The following EYA2 variants were observed in gnomAD, a reference collection of about 807,000 sequenced individuals.
EYA2 encodes EYA transcriptional coactivator and phosphatase 2.
In EYA2, 31 loss-of-function variants were observed where a neutral mutation model predicts 69.2. That is an observed-to-expected ratio of 0.45 (90% confidence interval 0.34 to 0.60). The LOEUF (loss-of-function observed/expected upper bound fraction) is 0.60, where lower values mean the gene tolerates loss of function less well. Ranked by LOEUF, EYA2 falls within the 20% of genes least tolerant of loss-of-function variation. The pLI, the probability that EYA2 is intolerant of heterozygous loss-of-function variation, is 0.02. For synonymous variants in EYA2, 257 were observed against 279.4 expected (o/e 0.92, Z 0.80); for missense variants, 622 against 701.2 (o/e 0.89, Z 1.28).
At chr20:47,076,470 T>A (rs1475368535) in intron 7 of EYA2, among the ~76,000 whole-genome samples, 4 of 152,254 alleles carry the variant, frequency 2.6e-5, no homozygotes, top group Non-Finnish European at 5.9e-5. Context: ...GATATTATTT[T>A]TTCATATGCT....
intron 3 of EYA2, among the ~76,000 whole-genome samples, chr20:47,003,494 A>T (rs1295541345): frequency 1.3e-5 from 2 of 152,254 alleles, no homozygotes; most frequent in Non-Finnish European, 2.9e-5. Context: ...GTGCAGACCC[A>T]GGTACGCTGA....
chr20:46,928,931 A>C (rs531882206), intron 1 of EYA2, among the ~76,000 whole-genome samples: 1 of 152,278 alleles, frequency 6.6e-6, no homozygotes, highest in East Asian at 1.9e-4. Context: ...CCCTCCAACA[A>C]GAGCACATTG....
At chr20:47,154,380 C>T (rs2033880228) in intron 10 of EYA2, among the ~76,000 whole-genome samples, 1 of 152,016 alleles carries the variant, frequency 6.6e-6, no homozygotes, top group Non-Finnish European at 1.5e-5. Flanking sequence ...GTTAGATTTT[C>T]AACATATGAA....
chr20:46,974,670 A>C (rs573795027), intron 1 of EYA2, among the ~76,000 whole-genome samples: 1 of 151,974 alleles, frequency 6.6e-6, no homozygotes, highest in Non-Finnish European at 1.5e-5. Flanking sequence ...CTTCCCTTAC[A>C]GGAAGAGTCC....
chr20:47,039,880 A>G (rs530245955), intron 5 of EYA2, among the ~76,000 whole-genome samples: 26 of 115,238 alleles, frequency 2.3e-4, no homozygotes, highest in Non-Finnish European at 3.4e-4. Flanking sequence ...TTGCTCCGTC[A>G]CCCAGGCTGG....
chr20:47,069,945 T>G (rs1425709042), intron 5 of EYA2, among the ~76,000 whole-genome samples: 1 of 152,130 alleles, frequency 6.6e-6, no homozygotes, highest in Non-Finnish European at 1.5e-5. Context: ...ATCATAGACC[T>G]AAATACAAGA....
chr20:47,019,814 A>G (rs1053882683), intron 5 of EYA2, among the ~76,000 whole-genome samples: 2 of 151,680 alleles, frequency 1.3e-5, no homozygotes, highest in Non-Finnish European at 2.9e-5. Flanking sequence ...ACAAAAAAAA[A>G]AAAAATTATC....
chr20:46,960,766 A>C (rs1979426286), intron 1 of EYA2, among the ~76,000 whole-genome samples: 1 of 152,218 alleles, frequency 6.6e-6, no homozygotes, highest in Non-Finnish European at 1.5e-5. Flanking sequence ...ACAAAGCCTG[A>C]AATCTTCACC....
intron 5 of EYA2, among the ~76,000 whole-genome samples, chr20:47,040,958 G>C (rs1331743921): frequency 6.6e-6 from 1 of 152,164 alleles, no homozygotes; most frequent in Admixed American, 6.5e-5. Flanking sequence ...CACAGAACAC[G>C]TGAGGCTCCA....
intron 5 of EYA2, among the ~76,000 whole-genome samples, chr20:47,030,646 G>A (rs1984357291): frequency 6.6e-6 from 1 of 152,182 alleles, no homozygotes; most frequent in African/African-American, 2.4e-5. Context: ...GGAGCTAGAA[G>A]TCCCAGATGG....
At chr20:47,085,127 A>G (rs2031854489) in intron 7 of EYA2, among the ~76,000 whole-genome samples, 1 of 151,832 alleles carries the variant, frequency 6.6e-6, no homozygotes, top group Admixed American at 6.6e-5. Context: ...ATGAGCCACC[A>G]TGCCCAGCCT....
chr20:47,159,150 A>G (rs2146629185), intron 10 of EYA2, among the ~76,000 whole-genome samples: 1 of 152,158 alleles, frequency 6.6e-6, no homozygotes, highest in East Asian at 2.0e-4. Context: ...AAAGAGTACA[A>G]TATAGATGAG....
intron 4 of EYA2, among the ~76,000 whole-genome samples, chr20:47,011,164 A>G (rs1284430659): frequency 1.3e-5 from 2 of 152,160 alleles, no homozygotes; most frequent in East Asian, 3.8e-4. Flanking sequence ...CAAGTGGTGC[A>G]CAACATTGAA....
chr20:46,905,600 G>A lies in EYA2; in HGVS notation c.-11+10613G>A, dbSNP rs371283020. Among the ~76,000 whole-genome samples the A allele has an allele frequency of 5.3e-5, 8 of 152,260 alleles. No individual in the cohort carries two copies. In the East Asian group the frequency reaches 1.2e-3, roughly 22 times the overall value. Reference sequence around the variant, plus strand: ...GAATCCCTGCCATTTCTTGCCAACCGGAATGAAGTGACTTCCTCCTCAGAC... The same window carrying A: ...GAATCCCTGCCATTTCTTGCCAACCAGAATGAAGTGACTTCCTCCTCAGAC... On this transcript the variant is annotated intron_variant, in intron 1 of 15. Coordinates refer to ENST00000327619, the MANE Select transcript of EYA2 (RefSeq NM_005244.5).
intron 3 of EYA2, 114 bp from the exon 4 acceptor site, chr20:47,004,828 C>T: frequency 1.5e-6 from 2 of 1,376,446 alleles, no homozygotes; most frequent in Non-Finnish European, 2.1e-6. Context: ...TGTATGTTGT[C>T]TCTGCTCTGG....
At chr20:46,905,333 C>T (rs563587518) in intron 1 of EYA2, among the ~76,000 whole-genome samples, 3 of 152,294 alleles carry the variant, frequency 2.0e-5, no homozygotes, top group Admixed American at 1.3e-4. Context: ...ACCACATGAC[C>T]CACAGCCCTC....
At chr20:46,901,116 T>C (rs566902622) in intron 1 of EYA2, 17 of 152,296 alleles carry the variant, frequency 1.1e-4, no homozygotes, top group African/African-American at 4.1e-4. Context: ...CAAGGCGTCC[T>C]TGTGGTAAAG....
chr20:47,132,976 G>T (rs548680895), intron 9 of EYA2, among the ~76,000 whole-genome samples: 14 of 152,130 alleles, frequency 9.2e-5, no homozygotes, highest in Non-Finnish European at 2.1e-4. Flanking sequence ...TGTCTATGCC[G>T]CAAACACCCG....
At chr20:47,026,884 T>C (rs1035100748) in intron 5 of EYA2, among the ~76,000 whole-genome samples, 1 of 152,252 alleles carries the variant, frequency 6.6e-6, no homozygotes, top group Non-Finnish European at 1.5e-5. Flanking sequence ...CTCTATTTAA[T>C]GTGAAATCTC....
Sources: gnomAD v4.1 joint callset for allele counts (sites outside exome capture counted in the v4.1 genomes callset) on GRCh38, gnomAD v4.1.1 for gene constraint, MANE v1.5 for transcripts, NCBI Gene and HGNC (gene_info 2026-07-23, HGNC 2026-07-21) for gene names.